The following CDHR5 variants were observed in gnomAD, a reference collection of about 807,000 sequenced individuals.
The protein encoded by CDHR5 is cadherin related family member 5, also known as cadherin-related family member 5.
A neutral mutation model predicts 69.5 loss-of-function variants in CDHR5; 82 were observed. The observed-to-expected ratio is 1.18, with a 90% CI of 0.99 to 1.42. The LOEUF is 1.42. Among genes scored for constraint, CDHR5 ranks in the 40% most tolerant of loss-of-function variants. The pLI, the probability that CDHR5 is intolerant of heterozygous loss-of-function variation, is 0.00. For missense variants in CDHR5, 1,293 were observed against 1,168.9 expected (o/e 1.11, Z -1.55); for synonymous variants, 601 against 510.2 (o/e 1.18, Z -2.40).
At position 624,216 on chromosome 11, in the gene CDHR5, T is replaced by G; in HGVS notation, c.309A>C (p.Thr103=). The G allele has an allele frequency of 1.3e-6, 1 of 764,826 alleles. No individual in the cohort carries two copies. The highest frequency in any genetic ancestry group is 2.4e-6 in the Non-Finnish European group (1 of 411,110). 47.4% of individuals were successfully genotyped at this position (764,826 alleles called of 1,614,324 possible). The part of the protein sequence containing the change: ...EAQLLCQSGG[T]LVTQLRVFVS... ...GGAGAGCGGGGCGGGGACTCACCAATGTGCCTCCGCTCTGACACAGCAGCT... is the reference window on the plus strand; with the variant it reads ...GGAGAGCGGGGCGGGGACTCACCAAGGTGCCTCCGCTCTGACACAGCAGCT... Residue 103 remains threonine (T), a synonymous_variant, in exon 3 of 15, where the codon ACA becomes ACC. Transcript: ENST00000397542. This position sits in a 1 kb window ranked among gnomAD's most constrained non-coding sequence, Gnocchi z 5.3.
At position 619,836 on chromosome 11, in the gene CDHR5, C is replaced by G; in HGVS notation, c.1024G>C (p.Val342Leu). 1.3e-6 allele frequency: 2 copies of G among 1,568,562 alleles called. No individual in the cohort carries two copies. The highest frequency in any genetic ancestry group is 2.3e-5 in the East Asian group (1 of 42,618). The change falls in exon 10 of 15, where the codon GTG (valine) becomes CTG (leucine). Residue 342 changes from valine to leucine, a missense_variant. Transcript: ENST00000397542. ...CTCCCGGCCGCAGCCACAGCCTCCA[C>G]GGTGACCTGGGTCACTGAGTAGCGG... ...LARYSVTQVT[V>L]EAVAAAGSPP... is the part of the protein sequence containing the mutation.
chr11:619,441 C>T (rs979404117), intron 11 of CDHR5, 33 bp downstream of exon 11: 3 of 1,606,730 alleles, frequency 1.9e-6, no homozygotes, highest in African/African-American at 2.7e-5. Flanking sequence ...AAGCCCCACA[C>T]CCTTGGAGAT....
At position 624,427 on chromosome 11, in the gene CDHR5, C is replaced by G; in HGVS notation, c.261+130G>C. The G allele has an allele frequency of 1.0e-6, 1 of 966,076 alleles. No individual in the cohort carries two copies. The allele number at this position is 966,076 out of a possible 1,614,324, so 59.8% of individuals were successfully genotyped here. On this transcript the variant is annotated intron_variant, in intron 2 of 14. Transcript: ENST00000397542. This position sits in a 1 kb window ranked among gnomAD's most constrained non-coding sequence, Gnocchi z 5.3. ...AAATGGCCCAGCCTTCTAGGGCAGG[C>G]ACCACCAAGCATGGGTGTCAGTGGA... is the stretch of plus-strand genomic sequence containing the variant.
Position 624,319 on chromosome 11 carries a change from A to G in CDHR5, c.262-56T>C, listed in dbSNP as rs1229109403. On this transcript the variant is annotated intron_variant, in intron 2 of 14. Coordinates refer to ENST00000397542, the MANE Select transcript of CDHR5 (RefSeq NM_021924.5). The surrounding 1 kb of genome is among the most constrained non-coding windows in gnomAD (Gnocchi z 5.3). ...TCCTGCCCCACAGGTGGGGAGACTG[A>G]GGCCAAGTGGGCAGGCGCTGGCCCA... The G allele has an allele frequency of 1.4e-6, 1 of 737,416 alleles. No homozygotes were observed. Among genetic ancestry groups the G allele is most frequent in the Non-Finnish European group, 2.5e-6 (1 of 396,568 alleles). 45.7% of individuals were successfully genotyped at this position (737,416 alleles called of 1,614,324 possible). A position where few individuals can be genotyped will look rare whatever the true frequency, so the allele number is the denominator to read the frequency against.
chr11:618,168 TC>T, intron 13 of CDHR5, 57 bp from the exon 14 acceptor site: 6 of 1,455,624 alleles, frequency 4.1e-6, no homozygotes, highest in Non-Finnish European at 5.7e-6. Flanking sequence ...CCCAGGCATT[TC>T]CCATGCCAAC....
Position 617,298 on chromosome 11 carries a change from G to C in CDHR5, c.*53C>G. On this transcript the variant is annotated 3_prime_UTR_variant, in exon 15 of 15. Transcript: ENST00000397542. The stretch of plus-strand genomic sequence containing the variant: ...TATTCTGCCTCGGGTCGGAGGCTGG[G>C]GGAGCGAGACCTCCAGTGCCCGTGC... 7.3e-7 allele frequency: 1 copy of C among 1,374,218 alleles called. No homozygotes were observed. The highest frequency in any genetic ancestry group is 1.3e-5 in the South Asian group (1 of 78,030). The allele number at this position is 1,374,218 out of a possible 1,614,324, so 85.1% of individuals were successfully genotyped here.
At chr11:622,266 C>G (rs1857457568) in intron 3 of CDHR5, among the ~76,000 whole-genome samples, 1 of 152,232 alleles carries the variant, frequency 6.6e-6, no homozygotes, top group African/African-American at 2.4e-5. Flanking sequence ...AAATCTCTGC[C>G]TGGTGGTGCC....
Position 619,781 on chromosome 11 carries a change from C to A in CDHR5, c.1079G>T (p.Arg360Leu), listed in dbSNP as rs150210320. Reference sequence around the variant, plus strand: ...TCCAGCGCCACGCGCCACGGTGCCACGATACAGTCTCTGGGGGAAGCGGGG... The same window carrying A: ...TCCAGCGCCACGCGCCACGGTGCCAAGATACAGTCTCTGGGGGAAGCGGGG... Reference protein sequence around the residue: ...SPPRFPQRLYRGTVARGAGAG... With the variant: ...SPPRFPQRLYLGTVARGAGAG... The change falls in exon 10 of 15, where the codon CGT (arginine) becomes CTT (leucine). Residue 360 changes from arginine (R) to leucine (L), a missense_variant. Physicochemically the swap from Arg to Leu is moderately radical, Grantham distance 102. Transcript: ENST00000397542. The A allele has an allele frequency of 2.5e-6, 4 of 1,609,766 alleles. No homozygotes were observed. Among genetic ancestry groups the A allele is most frequent in the Non-Finnish European group, 3.4e-6 (4 of 1,179,556 alleles).
chr11:619,926 A>C, intron 9 of CDHR5, 45 bp from the exon 10 acceptor site: 2 of 1,477,812 alleles, frequency 1.4e-6, no homozygotes, highest in Non-Finnish European at 1.8e-6. Flanking sequence ...TTGAAGGTGG[A>C]GCTGGCGCTG....
chr11:624,407 G>A lies in CDHR5; in HGVS notation c.262-144C>T, dbSNP rs1419911592. ...GCCCAGGCAGCTTCATCCCGAAATG[G>A]CCCAGCCTTCTAGGGCAGGCACCAC... On this transcript the variant is annotated intron_variant, in intron 2 of 14. Coordinates refer to ENST00000397542, the MANE Select transcript of CDHR5 (RefSeq NM_021924.5). This position sits in a 1 kb window ranked among gnomAD's most constrained non-coding sequence, Gnocchi z 5.3. 1 of 846,132 alleles carries A rather than the reference G, an allele frequency of 1.2e-6. No homozygotes were observed. The highest frequency in any genetic ancestry group is 2.0e-6 in the Non-Finnish European group (1 of 498,742). 52.4% of individuals were successfully genotyped at this position (846,132 alleles called of 1,614,324 possible). A position where few individuals can be genotyped will look rare whatever the true frequency, so the allele number is the denominator to read the frequency against.
At chr11:622,037 C>T (rs1357991032) in intron 3 of CDHR5, 133 bp from the exon 4 acceptor site, 1 of 672,238 alleles carries the variant, frequency 1.5e-6, no homozygotes, top group Non-Finnish European at 2.5e-6. Context: ...AAGTGAGGTG[C>T]ACCCCTCGAC....
chr11:619,221 C>G (rs755919170), intron 12 of CDHR5, 41 bp from the exon 13 acceptor site: 207 of 1,464,046 alleles, frequency 1.4e-4, no homozygotes, highest in Non-Finnish European at 1.9e-4. Context: ...CTCTGCCCGC[C>G]CCTTGCACAC....
At position 619,519 on chromosome 11, in the gene CDHR5, C is replaced by T. The variant is rs1056816141; in HGVS notation, c.1248G>A (p.Val416=). The change falls in exon 11 of 15, where the codon GTG becomes GTA. Residue 416 remains valine, a synonymous_variant. Coordinates refer to ENST00000397542, the MANE Select transcript of CDHR5 (RefSeq NM_021924.5). ...CCTGTGCCAGTGTGGTGGTGGTCAGCACAACCTCTCCCTCCATCCGGAAGT... is the reference window on the plus strand; with the variant it reads ...CCTGTGCCAGTGTGGTGGTGGTCAGTACAACCTCTCCCTCCATCCGGAAGT... ...HSHFRMEGEV[V]LTTTTLAQAG... The T allele has an allele frequency of 1.2e-6, 2 of 1,614,028 alleles. No individual in the cohort carries two copies. Among genetic ancestry groups the T allele is most frequent in the Non-Finnish European group, 1.7e-6 (2 of 1,179,952 alleles).
At position 621,329 on chromosome 11, in the gene CDHR5, GGGGTGACCTGCT is replaced by G; in HGVS notation, c.618+4_618+15del. 1 of 1,611,816 alleles carries G rather than the reference GGGGTGACCTGCT, an allele frequency of 6.2e-7. No homozygotes were observed. Among genetic ancestry groups the G allele is most frequent in the Non-Finnish European group, 8.5e-7 (1 of 1,178,728 alleles). On this transcript the variant is annotated splice_donor_5th_base_variant and intron_variant, in intron 6 of 14. Transcript: ENST00000397542. This position sits in a 1 kb window ranked among gnomAD's most constrained non-coding sequence, Gnocchi z 4.4. ...CCTCAAGTGTGTGGGACTCGGGGCTGGGGTGACCTGCTCACCCGCACCAGCAGCCAGAAGGTC... is the reference window on the plus strand; with the variant it reads ...CCTCAAGTGTGTGGGACTCGGGGCTGCACCCGCACCAGCAGCCAGAAGGTC...
rs1389660429 is a variant in CDHR5 at position 624,718 on chromosome 11, T to C, written c.100A>G (p.Lys34Glu). Reference protein sequence around the residue: ...MAQAQYCSVNKDIFEVEENTN... With the variant: ...MAQAQYCSVNEDIFEVEENTN... ...TTCTCCTCTACTTCAAAGATGTCCT[T>C]GTTCACAGAGCAGTCTGTAAGGTTG... is the stretch of plus-strand genomic sequence containing the variant. Residue 34 changes from lysine to glutamate, a missense_variant, in exon 2 of 15, where the codon AAG becomes GAG. Transcript: ENST00000397542. The surrounding 1 kb of genome is among the most constrained non-coding windows in gnomAD (Gnocchi z 5.3). 1 of 1,609,286 alleles carries C rather than the reference T, an allele frequency of 6.2e-7. No homozygotes were observed. The highest frequency in any genetic ancestry group is 2.2e-5 in the East Asian group (1 of 44,794).
chr11:624,632 G>A lies in CDHR5; in HGVS notation c.186C>T (p.Leu62=), dbSNP rs373784007. The part of the protein sequence containing the change: ...IHVPEGQEVT[L]GALSTPFAFR... ...ATGCAAAGGGGGTGGACAAGGCTCC[G>A]AGGGTCACCTCCTGGCCCTCCGGGA... Residue 62 remains leucine, a synonymous_variant, in exon 2 of 15, where the codon CTC becomes CTT. Transcript: ENST00000397542. This position sits in a 1 kb window ranked among gnomAD's most constrained non-coding sequence, Gnocchi z 5.3. The A allele has an allele frequency of 2.0e-5, 33 of 1,613,146 alleles. No homozygotes were observed. In the Admixed American group the frequency reaches 2.5e-4, roughly 12 times the overall value.
Position 619,188 on chromosome 11 carries a change from C to G in CDHR5, c.1379-8G>C. On this transcript the variant is annotated splice_polypyrimidine_tract_variant and splice_region_variant and intron_variant, in intron 12 of 14. Coordinates refer to ENST00000397542, the MANE Select transcript of CDHR5 (RefSeq NM_021924.5). ...CTGGGGATGGGGGGACATCTGGGGGCCGGGAACAGTGCTTGGGCTTGCCTC... is the reference window on the plus strand; with the variant it reads ...CTGGGGATGGGGGGACATCTGGGGGGCGGGAACAGTGCTTGGGCTTGCCTC... 6.6e-7 allele frequency: 1 copy of G among 1,513,460 alleles called. No homozygotes were observed. Among genetic ancestry groups the G allele is most frequent in the Non-Finnish European group, 8.9e-7 (1 of 1,122,460 alleles). The allele number at this position is 1,513,460 out of a possible 1,614,324, so 93.8% of individuals were successfully genotyped here. A position where few individuals can be genotyped will look rare whatever the true frequency, so the allele number is the denominator to read the frequency against.
At position 619,716 on chromosome 11, in the gene CDHR5, G is replaced by T; in HGVS notation, c.1144C>A (p.Pro382Thr). 1 of 1,613,016 alleles carries T rather than the reference G, an allele frequency of 6.2e-7. No individual in the cohort carries two copies. The change falls in exon 10 of 15, where the codon CCT (proline) becomes ACT (threonine). Residue 382 changes from proline to threonine, a missense_variant. Transcript: ENST00000397542. ...GGGTCCTGAGCCTGGATCCTCAGAG[G>T]CTGAGAAGGGGCAGCTGCATCCTTG... is the stretch of plus-strand genomic sequence containing the variant. ...VVKDAAAPSQ[P>T]LRIQAQDPEF...
chr11:619,698 G>C lies in CDHR5; in HGVS notation c.1162C>G (p.Gln388Glu), dbSNP rs1185547190. The change falls in exon 10 of 15, where the codon CAG (glutamine) becomes GAG (glutamate). Residue 388 changes from glutamine (Q) to glutamate (E), a missense_variant. Physicochemically the swap from Gln to Glu is conservative, Grantham distance 29. Coordinates refer to ENST00000397542, the MANE Select transcript of CDHR5 (RefSeq NM_021924.5). Reference sequence around the variant, plus strand: ...CTCTCTACCGAGAACTCCGGGTCCTGAGCCTGGATCCTCAGAGGCTGAGAA... The same window carrying C: ...CTCTCTACCGAGAACTCCGGGTCCTCAGCCTGGATCCTCAGAGGCTGAGAA... ...APSQPLRIQAQDPEFSDLNSA... is the reference protein window; with the variant it reads ...APSQPLRIQAEDPEFSDLNSA... 1.9e-6 allele frequency: 3 copies of C among 1,613,150 alleles called. No individual in the cohort carries two copies.
Sources: gnomAD v4.1 joint callset for allele counts (sites outside exome capture counted in the v4.1 genomes callset) on GRCh38, gnomAD v4.1.1 for gene constraint, Gnocchi (gnomAD v3.1) non-coding constraint, MANE v1.5 for transcripts, NCBI Gene and HGNC (gene_info 2026-07-23, HGNC 2026-07-21) for gene names.